Variants in PCM1 observed in about 807,000 individuals in gnomAD.
PCM1 encodes pericentriolar material 1 protein.
Under a neutral mutation model 241.9 loss-of-function variants are expected in PCM1, and 157 were observed. The ratio of observed to expected loss-of-function variants is 0.65; its 90% confidence interval spans 0.57 to 0.74. The LOEUF (loss-of-function observed/expected upper bound fraction) is 0.74. Ranked by LOEUF, PCM1 falls within the 30% of genes least tolerant of loss-of-function variation. The pLI, the probability that PCM1 is intolerant of heterozygous loss-of-function variation, is 0.00. For missense variants in PCM1, 3,478 were observed against 2,360.1 expected (o/e 1.47, Z -9.81); for synonymous variants, 1,085 against 784.9 (o/e 1.38, Z -6.39).
At position 17,960,431 on chromosome 8, in the gene PCM1, G is replaced by T. The variant is rs990955465; in HGVS notation, c.2309G>T (p.Cys770Phe). 6.9e-6 allele frequency: 11 copies of T among 1,591,784 alleles called. No homozygotes were observed. In the African/African-American group the frequency reaches 8.2e-5, roughly 12 times the overall value. ...QEKIQALQTA[C>F]PDLQLSAASV... The stretch of plus-strand genomic sequence containing the variant: ...AAAATTCAAGCATTGCAAACGGCAT[G>T]CCCTGACTTACAGGTAATTATGAAA... The change falls in exon 15 of 39, where the codon TGC becomes TTC. Residue 770 changes from cysteine (C) to phenylalanine (F), a missense_variant. Transcript: ENST00000325083.
At position 18,009,696 on chromosome 8, in the gene PCM1, C is replaced by G. The variant is rs772481524; in HGVS notation, c.5112C>G (p.Cys1704Trp). 3 of 1,514,726 alleles carry G rather than the reference C, an allele frequency of 2.0e-6. No individual in the cohort carries two copies. The highest frequency in any genetic ancestry group is 1.4e-5 in the South Asian group (1 of 71,492). The allele number at this position is 1,514,726 out of a possible 1,614,324, so 93.8% of individuals were successfully genotyped here. A position where few individuals can be genotyped will look rare whatever the true frequency, so the allele number is the denominator to read the frequency against. The change falls in exon 31 of 39, where the codon TGC becomes TGG. Residue 1704 changes from cysteine to tryptophan, a missense_variant. By Grantham distance (215) the Cys-to-Trp change is radical. Transcript: ENST00000325083. The stretch of plus-strand genomic sequence containing the variant: ...ATAGTATAACTGTTAAACAGAGATG[C>G]AAAAGGAAAATAGAAGCAACTGGAG... ...DNNSITVKQR[C>W]KRKIEATGVI...
At chr8:17,946,969 C>T (rs1167562867) in intron 6 of PCM1, among the ~76,000 whole-genome samples, 2 of 151,586 alleles carry the variant, frequency 1.3e-5, no homozygotes, top group Admixed American at 1.3e-4. Flanking sequence ...GATTATGTAG[C>T]TTTTTACTGT....
intron 24 of PCM1, among the ~76,000 whole-genome samples, chr8:17,981,384 C>T (rs896211339): frequency 3.9e-5 from 6 of 152,190 alleles, no homozygotes; most frequent in African/African-American, 1.4e-4. Context: ...TCCCCTTTCT[C>T]CTGTTTTCCT....
intron 18 of PCM1, among the ~76,000 whole-genome samples, 190 bp from the exon 19 acceptor site, chr8:17,965,809 A>G (rs1013097360): frequency 2.6e-5 from 4 of 152,246 alleles, no homozygotes; most frequent in Admixed American, 2.6e-4. Flanking sequence ...ACTGGAGACT[A>G]ATGAAAACTA....
intron 6 of PCM1, among the ~76,000 whole-genome samples, chr8:17,945,452 A>C (rs2063447437): frequency 6.6e-6 from 1 of 152,182 alleles, no homozygotes; most frequent in Admixed American, 6.5e-5. Context: ...ATAGTCTAGG[A>C]TAGAGAGGCA....
At chr8:17,950,453 C>T (rs935469317) in intron 7 of PCM1, among the ~76,000 whole-genome samples, 162 bp from the exon 8 acceptor site, 1 of 152,144 alleles carries the variant, frequency 6.6e-6, no homozygotes, top group Non-Finnish European at 1.5e-5. Flanking sequence ...GTGGTAACTT[C>T]TAATAAAATG....
At chr8:18,009,252 C>T (rs556617955) in intron 30 of PCM1, among the ~76,000 whole-genome samples, 1 of 152,114 alleles carries the variant, frequency 6.6e-6, no homozygotes, top group Non-Finnish European at 1.5e-5. Flanking sequence ...CCTGTACTGT[C>T]AGGGAACTTT....
chr8:17,958,287 G>T (rs191715679), intron 13 of PCM1, among the ~76,000 whole-genome samples: 5 of 152,138 alleles, frequency 3.3e-5, no homozygotes, highest in Admixed American at 3.3e-4. Context: ...CAGAGCCTGC[G>T]ATCTTAACCT....
chr8:17,983,284 C>T (rs757273064), intron 24 of PCM1: 130 of 1,322,732 alleles, frequency 9.8e-5, no homozygotes, highest in Non-Finnish European at 6.6e-5. Context: ...TGCAATGAAG[C>T]GCCAGGTAAC....
At position 18,009,680 on chromosome 8, in the gene PCM1, C is replaced by T; in HGVS notation, c.5096C>T (p.Thr1699Ile). ...CAAGATTTGGATAATAATAGTATAA[C>T]TGTTAAACAGAGATGCAAAAGGAAA... ...LMQDLDNNSI[T>I]VKQRCKRKIE... is the part of the protein sequence containing the mutation. The change falls in exon 31 of 39, where the codon ACT becomes ATT. Residue 1699 changes from threonine (T) to isoleucine (I), a missense_variant. By Grantham distance (89) the Thr-to-Ile change is moderately conservative (BLOSUM62 -1). Transcript: ENST00000325083. 2.6e-6 allele frequency: 4 copies of T among 1,553,838 alleles called. No individual in the cohort carries two copies. Among genetic ancestry groups the T allele is most frequent in the Non-Finnish European group, 3.5e-6 (4 of 1,151,594 alleles).
intron 2 of PCM1, chr8:17,926,502 A>C (rs577862455): frequency 1.3e-5 from 2 of 151,956 alleles, no homozygotes; most frequent in African/African-American, 2.4e-5. Flanking sequence ...AAAAGTATCT[A>C]TGTGTATGTA....
chr8:18,014,922 A>G (rs1380506033), intron 36 of PCM1, 82 bp downstream of exon 36: 4 of 1,211,638 alleles, frequency 3.3e-6, no homozygotes, highest in Admixed American at 2.4e-5. Flanking sequence ...CATTCTCCAC[A>G]TGTAAACCAT....
rs758347283 is a variant in PCM1 at position 18,010,652 on chromosome 8, T to G, written c.5204T>G (p.Ile1735Ser). The G allele has an allele frequency of 3.1e-6, 5 of 1,601,834 alleles. No homozygotes were observed. In the South Asian group the frequency reaches 5.6e-5, roughly 18 times the overall value. Residue 1735 changes from isoleucine (I) to serine (S), a missense_variant, in exon 32 of 39, where the codon ATT becomes AGT. Coordinates refer to ENST00000325083, the MANE Select transcript of PCM1 (RefSeq NM_006197.4). ...GATCATGGCTCACCTGCTGGAGAGA[T>G]TGATGATGAAGACAAAGTATGTGCT... ...LEDHGSPAGE[I>S]DDEDKDKDET...
chr8:17,936,230 C>T (rs147807786), intron 3 of PCM1, among the ~76,000 whole-genome samples: 1 of 151,992 alleles, frequency 6.6e-6, no homozygotes, highest in East Asian at 1.9e-4. Flanking sequence ...ATATGTGTTT[C>T]TTTTTTCAGT....
At chr8:18,015,743 G>T (rs1222147493) in intron 36 of PCM1, 1 of 152,138 alleles carries the variant, frequency 6.6e-6, no homozygotes, top group Admixed American at 6.5e-5. Flanking sequence ...ATTTGAAAGA[G>T]ACCCCCTGTG....
chr8:17,986,111 T>C (rs371252455), intron 26 of PCM1, 24 bp downstream of exon 26: 16 of 1,464,276 alleles, frequency 1.1e-5, no homozygotes, highest in Non-Finnish European at 1.3e-5. Context: ...GATTAGTGAA[T>C]TGTAGATATA....
At chr8:17,951,061 G>A (rs945316785) in intron 8 of PCM1, among the ~76,000 whole-genome samples, 2 of 152,132 alleles carry the variant, frequency 1.3e-5, no homozygotes, top group African/African-American at 2.4e-5. Flanking sequence ...TGGTCACAAC[G>A]ATTAAGACTT....
chr8:17,985,360 A>G (rs559483713), intron 24 of PCM1, 87 bp from the exon 25 acceptor site: 289 of 805,960 alleles, frequency 3.6e-4, no homozygotes, highest in Non-Finnish European at 4.9e-4. Flanking sequence ...TAGATAATTT[A>G]AAGCTGAGAG....
At chr8:17,925,152 T>A (rs1459126450) in intron 2 of PCM1, 1 of 152,276 alleles carries the variant, frequency 6.6e-6, no homozygotes, top group East Asian at 1.9e-4. Flanking sequence ...ATTAATTGGC[T>A]GTTCATGAAC....
Sources: allele counts gnomAD v4.1 joint callset (sites outside exome capture counted in the v4.1 genomes callset), GRCh38; gene constraint gnomAD v4.1.1; transcripts MANE v1.5; gene names NCBI Gene and HGNC (gene_info 2026-07-23, HGNC 2026-07-21).